ELFN2: variants seen among roughly 807,000 people sequenced by gnomAD.
ELFN2 encodes extracellular leucine rich repeat and fibronectin type III domain containing 2.
A neutral mutation model predicts 45.5 loss-of-function variants in ELFN2; 17 were observed. The observed-to-expected ratio is 0.37, with a 90% CI of 0.26 to 0.56. The LOEUF (loss-of-function observed/expected upper bound fraction) is 0.56. ELFN2 is among the 20% of genes least tolerant of loss of function. The probability of loss-of-function intolerance (pLI) is 0.77; values close to 1 mark genes in which losing one functional copy is unlikely to be tolerated. For synonymous variants in ELFN2, 550 were observed against 551.5 expected, an observed-to-expected ratio of 1.00 and a Z score of 0.04; for missense variants, 922 against 1,183.2, an observed-to-expected ratio of 0.78 and a Z score of 3.24.
chr22:37,361,998 C>T (rs531993213), intron 1 of ELFN2, among the ~76,000 whole-genome samples: 7 of 152,340 alleles, frequency 4.6e-5, no homozygotes, highest in South Asian at 2.1e-4. Flanking sequence ...GCAGCTACTC[C>T]TTGGTCATCT....
chr22:37,399,363 G>T (rs1270761808), intron 2 of ELFN2, among the ~76,000 whole-genome samples: 1 of 152,114 alleles, frequency 6.6e-6, no homozygotes, highest in Non-Finnish European at 1.5e-5. Flanking sequence ...CTCTTTTCAT[G>T]CCCAGGCCCA....
intron 1 of ELFN2, among the ~76,000 whole-genome samples, chr22:37,356,162 C>T (rs1930944901): frequency 6.6e-6 from 1 of 152,086 alleles, no homozygotes; most frequent in Non-Finnish European, 1.5e-5. Flanking sequence ...AGGGGGCGGT[C>T]AACTTCTCTA....
chr22:37,425,971 C>T (rs1461990954), intron 1 of ELFN2, among the ~76,000 whole-genome samples: 4 of 151,978 alleles, frequency 2.6e-5, no homozygotes, highest in Non-Finnish European at 5.9e-5. Context: ...AGTCCGCGCC[C>T]CACAGCTTCC....
rs141544698 is a variant in ELFN2 at position 37,374,542 on chromosome 22, G to A, written c.993C>T (p.Ser331=). ...TGAGGGTCATGACGTCGGAGAAGTA[G>A]CTGTTGTTGTACTGCACGAGGATGT... is the stretch of plus-strand genomic sequence containing the variant. ...KMYILVQYNN[S]YFSDVMTLKN... Residue 331 remains serine, a synonymous_variant, in exon 3 of 3, where the codon AGC becomes AGT. Transcript: ENST00000402918. 1.1e-3 allele frequency: 1,701 copies of A among 1,614,246 alleles called. No individual in the cohort carries two copies. The highest frequency in any genetic ancestry group is 1.3e-3 in the Non-Finnish European group (1,545 of 1,180,044).
chr22:37,412,799 C>T (rs918724418), intron 2 of ELFN2, among the ~76,000 whole-genome samples: 2 of 152,254 alleles, frequency 1.3e-5, no homozygotes, highest in African/African-American at 4.8e-5. Flanking sequence ...TTCCACAGCC[C>T]CTCCAGGTCC....
intron 2 of ELFN2, among the ~76,000 whole-genome samples, chr22:37,401,796 TA>T (rs1932370059): frequency 1.3e-5 from 2 of 152,176 alleles, no homozygotes; most frequent in African/African-American, 4.8e-5. Flanking sequence ...AACAAGCCCA[TA>T]AAAAATAAGT....
intron 2 of ELFN2, among the ~76,000 whole-genome samples, chr22:37,392,155 T>TC (rs1390487348): frequency 1.3e-5 from 2 of 152,192 alleles, no homozygotes; most frequent in Non-Finnish European, 2.9e-5. Context: ...TCCTTGGCCC[T>TC]CCTCAACCAC....
chr22:37,341,295 C>G (rs1012740582), intron 2 of ELFN2, among the ~76,000 whole-genome samples: 2 of 152,256 alleles, frequency 1.3e-5, no homozygotes, highest in African/African-American at 2.4e-5. Context: ...TTACTGCTGT[C>G]CCCTCTGGAG....
At chr22:37,410,170 G>A (rs544413388) in intron 2 of ELFN2, among the ~76,000 whole-genome samples, 152 of 152,272 alleles carry the variant, frequency 1.0e-3, no homozygotes, top group Admixed American at 1.8e-3. Context: ...GCAAACAGAC[G>A]GGGCAGGGCC....
At chr22:37,355,499 G>A (rs1048514761) in intron 1 of ELFN2, among the ~76,000 whole-genome samples, 7 of 152,194 alleles carry the variant, frequency 4.6e-5, no homozygotes, top group Admixed American at 2.0e-4. Flanking sequence ...TGGTGCTGGC[G>A]TCCTAGGCTT....
downstream of ELFN2, among the ~76,000 whole-genome samples, chr22:37,366,860 G>T (rs937678513): frequency 6.6e-6 from 1 of 152,230 alleles, no homozygotes; most frequent in Non-Finnish European, 1.5e-5. Context: ...GAAGGGACAG[G>T]CGTCCAGCTG....
chr22:37,359,097 A>G (rs1361122103), intron 1 of ELFN2, among the ~76,000 whole-genome samples: 1 of 152,178 alleles, frequency 6.6e-6, no homozygotes, highest in African/African-American at 2.4e-5. Context: ...GTGAGTCGAC[A>G]CTTTAGCACC....
At chr22:37,381,857 G>A (rs762513113) in intron 2 of ELFN2, among the ~76,000 whole-genome samples, 3 of 147,118 alleles carry the variant, frequency 2.0e-5, no homozygotes, top group Admixed American at 7.0e-5. Context: ...TCCGGAGGCT[G>A]AGGCAGGAAA....
chr22:37,364,345 C>T (rs140607220), downstream of ELFN2, among the ~76,000 whole-genome samples: 4 of 152,202 alleles, frequency 2.6e-5, no homozygotes, highest in African/African-American at 7.2e-5. Context: ...TGAGGGGCTC[C>T]GGAAGAAGCA....
chr22:37,414,886 T>C (rs1932739014), intron 2 of ELFN2, among the ~76,000 whole-genome samples: 1 of 152,164 alleles, frequency 6.6e-6, no homozygotes, highest in African/African-American at 2.4e-5. Flanking sequence ...CAGCCCTCTC[T>C]CTTCCTTCCC....
At chr22:37,379,154 G>A (rs1931674283) in intron 2 of ELFN2, among the ~76,000 whole-genome samples, 1 of 152,208 alleles carries the variant, frequency 6.6e-6, no homozygotes, top group African/African-American at 2.4e-5. Context: ...GAGAAAAGGA[G>A]AAAGCGCGTC....
At chr22:37,397,667 C>T (rs530578261) in intron 2 of ELFN2, among the ~76,000 whole-genome samples, 143 of 152,316 alleles carry the variant, frequency 9.4e-4, no homozygotes, top group Non-Finnish European at 1.4e-3. Flanking sequence ...ACGTGGGGCT[C>T]TCACTTCCAA....
At chr22:37,401,175 T>C (rs1283264279) in intron 2 of ELFN2, among the ~76,000 whole-genome samples, 2 of 152,216 alleles carry the variant, frequency 1.3e-5, no homozygotes, top group South Asian at 2.1e-4. Context: ...CTCAGGCCTA[T>C]TGGAGACAAA....
chr22:37,405,113 G>C (rs897173308), intron 2 of ELFN2, among the ~76,000 whole-genome samples: 1 of 23,640 alleles, frequency 4.2e-5, no homozygotes, highest in Admixed American at 4.6e-4. Flanking sequence ...TTTTTTTTTT[G>C]AGACGGAGTC....
Sources: gnomAD v4.1 joint callset for allele counts (sites outside exome capture counted in the v4.1 genomes callset) on GRCh38, gnomAD v4.1.1 for gene constraint, MANE v1.5 for transcripts, NCBI Gene and HGNC (gene_info 2026-07-23, HGNC 2026-07-21) for gene names.